EPC2: variants seen among roughly 807,000 people sequenced by gnomAD.
The protein encoded by EPC2 is enhancer of polycomb 2, also known as enhancer of polycomb homolog 2.
A neutral mutation model predicts 92.1 loss-of-function variants in EPC2; 14 were observed. The observed-to-expected ratio is 0.15, with a 90% CI of 0.10 to 0.24. The LOEUF (loss-of-function observed/expected upper bound fraction) is 0.24, where lower values mean the gene tolerates loss of function less well. Ranked by LOEUF, EPC2 falls within the 10% of genes least tolerant of loss-of-function variation. EPC2 has a pLI of 1.00. For missense variants in EPC2, 755 were observed against 971.5 expected, an observed-to-expected ratio of 0.78 and a Z score of 2.96; for synonymous variants, 340 against 334.7, an observed-to-expected ratio of 1.02 and a Z score of -0.17.
intron 2 of EPC2, among the ~76,000 whole-genome samples, chr2:148,725,712 A>G (rs1558821308): frequency 6.6e-6 from 1 of 152,112 alleles, no homozygotes; most frequent in Non-Finnish European, 1.5e-5. Flanking sequence ...TTTTTAGATT[A>G]CAAGCCAATT....
At chr2:148,756,034 A>G (rs980407837) in intron 4 of EPC2, among the ~76,000 whole-genome samples, 1 of 152,226 alleles carries the variant, frequency 6.6e-6, no homozygotes, top group African/African-American at 2.4e-5. Flanking sequence ...TAAGATTAGC[A>G]GTATTTATTG....
intron 1 of EPC2, among the ~76,000 whole-genome samples, chr2:148,648,186 A>G (rs1322135823): frequency 2.0e-5 from 3 of 152,234 alleles, no homozygotes; most frequent in East Asian, 3.8e-4. Flanking sequence ...GTTAAGATTT[A>G]TAGTCTGAAA....
chr2:148,746,604 G>T (rs1332729201), intron 3 of EPC2, among the ~76,000 whole-genome samples: 1 of 152,068 alleles, frequency 6.6e-6, no homozygotes, highest in Non-Finnish European at 1.5e-5. Flanking sequence ...ATGGGAGTAG[G>T]GGGATGCTAT....
intron 10 of EPC2, among the ~76,000 whole-genome samples, chr2:148,776,857 T>TC (rs59114680): frequency 0.02 from 58 of 2,956 alleles, no homozygotes; most frequent in African/African-American, 0.033. Flanking sequence ...TCTCTCTCTC[T>TC]TTTTTTTTTT....
chr2:148,657,545 TCCCA>T (rs1680828073), intron 1 of EPC2, among the ~76,000 whole-genome samples: 1 of 151,996 alleles, frequency 6.6e-6, no homozygotes, highest in Non-Finnish European at 1.5e-5. Context: ...TTTAAGAAGT[TCCCA>T]GGTGATCCTG....
chr2:148,704,828 C>G (rs960492522), intron 2 of EPC2, among the ~76,000 whole-genome samples: 1 of 151,974 alleles, frequency 6.6e-6, no homozygotes, highest in African/African-American at 2.4e-5. Flanking sequence ...CCTTACACTT[C>G]TAACCTGGGC....
intron 1 of EPC2, among the ~76,000 whole-genome samples, chr2:148,688,349 G>A (rs1681571747): frequency 2.0e-5 from 3 of 151,936 alleles, no homozygotes; most frequent in Non-Finnish European, 4.4e-5. Flanking sequence ...TCATAGGTGG[G>A]AATTGAACAG....
At chr2:148,651,020 G>T (rs1398445500) in intron 1 of EPC2, among the ~76,000 whole-genome samples, 6 of 152,066 alleles carry the variant, frequency 3.9e-5, no homozygotes, top group African/African-American at 1.4e-4. Flanking sequence ...AAAACTACAG[G>T]GTTAAGACAA....
intron 3 of EPC2, among the ~76,000 whole-genome samples, chr2:148,750,070 C>T (rs757423064): frequency 6.6e-5 from 10 of 151,960 alleles, no homozygotes; most frequent in Admixed American, 1.3e-4. Flanking sequence ...GTTTTGAAGA[C>T]CTTAGAAGAT....
At chr2:148,722,302 G>A (rs1021346017) in intron 2 of EPC2, among the ~76,000 whole-genome samples, 1 of 152,048 alleles carries the variant, frequency 6.6e-6, no homozygotes, top group African/African-American at 2.4e-5. Flanking sequence ...CTGGAGTTGG[G>A]TATTTCTCTT....
chr2:148,722,282 C>G (rs758127567), intron 2 of EPC2, among the ~76,000 whole-genome samples: 5 of 152,092 alleles, frequency 3.3e-5, no homozygotes, highest in African/African-American at 4.8e-5. Flanking sequence ...GACAGGCTGT[C>G]TAAAGGGGGC....
rs772920377 is a variant in EPC2, at chr2:148,764,941, C to T, written c.949-14C>T. 33 of 1,423,404 alleles carry T rather than the reference C, an allele frequency of 2.3e-5. No homozygotes were observed. Among genetic ancestry groups the T allele is most frequent in the South Asian group, 7.0e-5 (4 of 56,790 alleles). The allele number at this position is 1,423,404 out of a possible 1,614,324, so 88.2% of individuals were successfully genotyped here. Reference sequence around the variant, plus strand: ...TATTTCTTCCTTTTGGGGGAAAAATCGTCATGTAAACAGCACCCTCATCAT... The same window carrying T: ...TATTTCTTCCTTTTGGGGGAAAAATTGTCATGTAAACAGCACCCTCATCAT... On this transcript the variant is annotated splice_polypyrimidine_tract_variant and intron_variant, in intron 6 of 13. Transcript: ENST00000258484.
At chr2:148,690,012 A>G (rs1337870157) in intron 1 of EPC2, among the ~76,000 whole-genome samples, 1 of 152,220 alleles carries the variant, frequency 6.6e-6, no homozygotes, top group African/African-American at 2.4e-5. Flanking sequence ...CAAAAATTGT[A>G]ATAATCTAAG....
chr2:148,763,523 CA>C (rs1683343994), intron 6 of EPC2, among the ~76,000 whole-genome samples: 1 of 152,156 alleles, frequency 6.6e-6, no homozygotes, highest in South Asian at 2.1e-4. Context: ...TACTCTGTAG[CA>C]AAATTTTTTA....
At chr2:148,689,533 G>T (rs1681602207) in intron 1 of EPC2, among the ~76,000 whole-genome samples, 1 of 152,042 alleles carries the variant, frequency 6.6e-6, no homozygotes. Context: ...TCCTTTATGG[G>T]GTGGGTGGCA....
chr2:148,702,626 A>G (rs930619106), intron 2 of EPC2, among the ~76,000 whole-genome samples: 7 of 152,196 alleles, frequency 4.6e-5, no homozygotes, highest in Admixed American at 3.3e-4. Context: ...GAACTGTTAT[A>G]TAGAAGATGA....
At chr2:148,687,881 G>A (rs1030460321) in intron 1 of EPC2, among the ~76,000 whole-genome samples, 1 of 151,950 alleles carries the variant, frequency 6.6e-6, no homozygotes, top group Non-Finnish European at 1.5e-5. Flanking sequence ...TTATTATTTG[G>A]TATCTATCCC....
intron 2 of EPC2, among the ~76,000 whole-genome samples, chr2:148,696,950 T>C: frequency 6.6e-6 from 1 of 152,238 alleles, no homozygotes; most frequent in East Asian, 1.9e-4. Flanking sequence ...AAACTTTTCC[T>C]TCCACAGTTA....
chr2:148,708,462 G>C (rs1035058239), intron 2 of EPC2, among the ~76,000 whole-genome samples: 7 of 152,106 alleles, frequency 4.6e-5, no homozygotes, highest in African/African-American at 7.2e-5. Flanking sequence ...CCAATCAATA[G>C]GAAAAGAGGG....
Sources: gnomAD v4.1 joint callset for allele counts (sites outside exome capture counted in the v4.1 genomes callset) on GRCh38, gnomAD v4.1.1 for gene constraint, MANE v1.5 for transcripts, NCBI Gene and HGNC (gene_info 2026-07-23, HGNC 2026-07-21) for gene names.